Variants in TP53BP1 observed in about 807,000 individuals in gnomAD.
TP53BP1 encodes the protein TP53-binding protein 1.
In TP53BP1, 61 loss-of-function variants were observed where a neutral mutation model predicts 200.8. The ratio of observed to expected loss-of-function variants is 0.30; its 90% CI spans 0.25 to 0.38. The LOEUF is 0.38. Among genes scored for constraint, TP53BP1 ranks in the 10% least tolerant of loss-of-function variants. The pLI is 1.00. For synonymous variants in TP53BP1, 822 were observed against 844.3 expected (o/e 0.97, Z 0.46); for missense variants, 2,144 against 2,371.9 (o/e 0.90, Z 2.00).
intron 19 of TP53BP1, 26 bp downstream of exon 19, chr15:43,421,829 T>C (rs746141830): frequency 6.2e-7 from 1 of 1,612,622 alleles, no homozygotes; most frequent in Admixed American, 1.7e-5. Flanking sequence ...GCTGTGGCTC[T>C]CTCTCTCTGG....
At chr15:43,422,836 A>C (rs2045436725) in intron 18 of TP53BP1, among the ~76,000 whole-genome samples, 1 of 151,852 alleles carries the variant, frequency 6.6e-6, no homozygotes, top group African/African-American at 2.4e-5. Context: ...TCCATATGAA[A>C]ATAAAACTAT....
At position 43,403,775 on chromosome 15, in the gene TP53BP1, C is replaced by T. The variant is rs748313933; in HGVS notation, c.*3608G>A. ...TAGGCCCACTGGATGAGCGTGGAGC[C>T]GCCCAGCTGAGCATTCTCGTGAAGG... On this transcript the variant is annotated 3_prime_UTR_variant, in exon 28 of 28. Coordinates refer to ENST00000382044, the MANE Select transcript of TP53BP1 (RefSeq NM_001141980.3). 44 of 1,613,832 alleles carry T rather than the reference C, an allele frequency of 2.7e-5. No individual in the cohort carries two copies. In the East Asian group the frequency reaches 3.1e-4, roughly 11 times the overall value.
upstream of TP53BP1, among the ~76,000 whole-genome samples, chr15:43,494,906 T>C (rs2079171917): frequency 6.6e-6 from 1 of 152,184 alleles, no homozygotes; most frequent in Non-Finnish European, 1.5e-5. Flanking sequence ...AAACATAAAA[T>C]GGCTGGGCGC....
chr15:43,474,154 G>C (rs2046795010), intron 10 of TP53BP1, among the ~76,000 whole-genome samples: 1 of 152,170 alleles, frequency 6.6e-6, no homozygotes, highest in Non-Finnish European at 1.5e-5. Context: ...GGGCCGGCAG[G>C]GCCGGCCGGC....
intron 24 of TP53BP1, among the ~76,000 whole-genome samples, chr15:43,410,556 A>T (rs144818790): frequency 2.8e-5 from 4 of 144,576 alleles, no homozygotes; most frequent in African/African-American, 5.0e-5. Flanking sequence ...ATAACACATT[A>T]AAAAAAAAAA....
chr15:43,408,904 G>C lies in TP53BP1; in HGVS notation c.5593C>G (p.Leu1865Val). The C allele has an allele frequency of 1.2e-6, 2 of 1,614,108 alleles. No individual in the cohort carries two copies. The highest frequency in any genetic ancestry group is 1.7e-6 in the Non-Finnish European group (2 of 1,180,012). ...TGGGCTTCAAATACTTACCAGTCCAGAATTCTTTGCTCCTCAAGGCTGTAC... is the reference window on the plus strand; with the variant it reads ...TGGGCTTCAAATACTTACCAGTCCACAATTCTTTGCTCCTCAAGGCTGTAC... Reference protein sequence around the residue: ...AGYSLEEQRILDWQPRENPFQ... With the variant: ...AGYSLEEQRIVDWQPRENPFQ... The change falls in exon 26 of 28, where the codon CTG becomes GTG. Residue 1865 changes from leucine to valine, a missense_variant. Physicochemically the swap from Leu to Val is conservative, Grantham distance 32. This residue lies in a region of TP53BP1 where 334 missense variants were observed against 453.4 expected (regional missense o/e 0.74). Transcript: ENST00000382044.
chr15:43,471,513 G>A (rs937806036), intron 10 of TP53BP1, among the ~76,000 whole-genome samples: 7 of 151,594 alleles, frequency 4.6e-5, no homozygotes, highest in Non-Finnish European at 8.8e-5. Flanking sequence ...TGCAACCTCC[G>A]CCTCCCAGGT....
At chr15:43,436,373 C>T (rs181265147) in intron 16 of TP53BP1, among the ~76,000 whole-genome samples, 16 of 151,512 alleles carry the variant, frequency 1.1e-4, no homozygotes, top group African/African-American at 3.7e-4. Flanking sequence ...GAAAGATACT[C>T]ACTTCATAAT....
intron 20 of TP53BP1, 39 bp from the exon 21 acceptor site, chr15:43,420,774 AAGAACAC>A (rs752564418): frequency 2.5e-5 from 38 of 1,550,740 alleles, no homozygotes. Context: ...CGGTGAGAAC[AAGAACAC>A]AGAAGTATAT....
chr15:43,481,167 C>T, intron 4 of TP53BP1, 145 bp from the exon 5 acceptor site: 1 of 823,258 alleles, frequency 1.2e-6, no homozygotes, highest in Non-Finnish European at 1.9e-6. Context: ...CTTCTTTCTA[C>T]AAAAAGCACC....
chr15:43,500,166 A>G (rs2079202309), intron 1 of TP53BP1, among the ~76,000 whole-genome samples: 1 of 152,202 alleles, frequency 6.6e-6, no homozygotes. Context: ...TTTGATGTCC[A>G]ATTGACATCT....
intron 1 of TP53BP1, among the ~76,000 whole-genome samples, chr15:43,499,967 T>A (rs1223098277): frequency 6.6e-6 from 1 of 152,220 alleles, no homozygotes; most frequent in African/African-American, 2.4e-5. Context: ...GTCATGTGGT[T>A]ATAATGAATA....
At chr15:43,444,463 T>C (rs746426484) in intron 14 of TP53BP1, among the ~76,000 whole-genome samples, 81 of 152,152 alleles carry the variant, frequency 5.3e-4, no homozygotes, top group Non-Finnish European at 2.4e-4. Context: ...AACCATGTAA[T>C]ACTTTAACTC....
chr15:43,501,267 T>C (rs959650815), intron 1 of TP53BP1, among the ~76,000 whole-genome samples: 2 of 151,788 alleles, frequency 1.3e-5, no homozygotes, highest in African/African-American at 2.4e-5. Context: ...AATGGCTTGA[T>C]CATAGCTCAC....
intron 22 of TP53BP1, 92 bp downstream of exon 22, chr15:43,416,133 T>C: frequency 8.3e-7 from 1 of 1,210,116 alleles, no homozygotes. Context: ...ATAATAAAAG[T>C]TAGGGAAACA....
intron 4 of TP53BP1, among the ~76,000 whole-genome samples, chr15:43,487,928 G>A (rs2079068557): frequency 6.6e-6 from 1 of 152,130 alleles, no homozygotes; most frequent in African/African-American, 2.4e-5. Flanking sequence ...CGGCATGGAA[G>A]ACTACTCAGC....
chr15:43,497,920 T>C (rs1394146526), upstream of TP53BP1, among the ~76,000 whole-genome samples: 3 of 152,194 alleles, frequency 2.0e-5, no homozygotes, highest in Non-Finnish European at 4.4e-5. Flanking sequence ...CAAAAGTTTT[T>C]CAATGAGACT....
At chr15:43,407,823 TCTC>T (rs2044963427) in intron 27 of TP53BP1, 117 bp downstream of exon 27, 4 of 1,079,942 alleles carry the variant, frequency 3.7e-6, no homozygotes, top group Admixed American at 2.3e-5. Flanking sequence ...GTACTTTTCT[TCTC>T]TAAGAAACAT....
intron 25 of TP53BP1, 58 bp from the exon 26 acceptor site, chr15:43,409,154 C>G (rs1394903341): frequency 2.0e-6 from 3 of 1,531,344 alleles, no homozygotes; most frequent in East Asian, 4.5e-5. Flanking sequence ...AGCTCCTAAG[C>G]AGCAGCCATA....
Sources: allele counts gnomAD v4.1 joint callset (sites outside exome capture counted in the v4.1 genomes callset), GRCh38; gene constraint gnomAD v4.1.1; regional missense constraint gnomAD v4.1.1; transcripts MANE v1.5; gene names NCBI Gene and HGNC (gene_info 2026-07-23, HGNC 2026-07-21).